Variants in ODAD2 observed in about 807,000 individuals in gnomAD.
ODAD2 encodes the protein outer dynein arm docking complex subunit 2.
In ODAD2, 89 loss-of-function variants were observed where a neutral mutation model predicts 106.8. The ratio of observed to expected loss-of-function variants is 0.83; its 90% CI spans 0.70 to 0.99. The LOEUF is 0.99. Among genes scored for constraint, ODAD2 ranks in the 50% least tolerant of loss-of-function variants. The pLI, the probability that ODAD2 is intolerant of heterozygous loss-of-function variation, is 0.00. For missense variants in ODAD2, 1,168 were observed against 1,238.5 expected, an observed-to-expected ratio of 0.94 and a Z score of 0.85; for synonymous variants, 404 against 436.2, an observed-to-expected ratio of 0.93 and a Z score of 0.92.
Position 27,936,666 on chromosome 10 carries a change from GA to G in ODAD2, c.2252+59del, listed in dbSNP as rs1590069875. 9 of 1,574,316 alleles carry G rather than the reference GA, an allele frequency of 5.7e-6. No homozygotes were observed. In the East Asian group the frequency reaches 2.0e-4, roughly 35 times the overall value. ...ACTCCTTACTAGAATGGCATTAAATGACAAGAAGGTGTTTCAGAAGCCGTAT... is the reference window on the plus strand; with the variant it reads ...ACTCCTTACTAGAATGGCATTAAATGCAAGAAGGTGTTTCAGAAGCCGTAT... On this transcript the variant is annotated intron_variant, in intron 15 of 19. Transcript: ENST00000305242.
chr10:27,890,008 T>C lies in ODAD2; in HGVS notation c.2610+17655A>G, dbSNP rs1278419255. Among the ~76,000 whole-genome samples, 5 of 152,168 alleles carry C rather than the reference T, an allele frequency of 3.3e-5. No homozygotes were observed. The East Asian group carries it at 9.6e-4, about 29-fold the overall frequency. Reference sequence around the variant, plus strand: ...GAAATGCAGTGAGTGCTATGCAATATATCCATGGAACAAAACTGCACTTGT... The same window carrying C: ...GAAATGCAGTGAGTGCTATGCAATACATCCATGGAACAAAACTGCACTTGT... On this transcript the variant is annotated intron_variant, in intron 17 of 19. Transcript: ENST00000305242.
chr10:27,967,640 C>A (rs1186274595), intron 9 of ODAD2, among the ~76,000 whole-genome samples: 3 of 151,994 alleles, frequency 2.0e-5, no homozygotes, highest in South Asian at 2.1e-4. Flanking sequence ...TCTGTAATCC[C>A]AGCACTTTGG....
intron 8 of ODAD2, 35 bp downstream of exon 8, chr10:27,971,073 G>A (rs1848825893): frequency 1.4e-6 from 2 of 1,417,630 alleles, no homozygotes; most frequent in Non-Finnish European, 2.0e-6. Flanking sequence ...GGTTACTAAT[G>A]CTGCATCTGA....
intron 1 of ODAD2, chr10:27,995,664 A>T (rs1476544942): frequency 6.5e-6 from 1 of 153,506 alleles, no homozygotes; most frequent in Admixed American, 6.4e-5. Flanking sequence ...CAATATCTGC[A>T]TCATCACAAT....
intron 19 of ODAD2, among the ~76,000 whole-genome samples, chr10:27,843,971 C>T (rs1201188717): frequency 6.6e-6 from 1 of 152,066 alleles, no homozygotes; most frequent in Non-Finnish European, 1.5e-5. Flanking sequence ...AAGCTGAGGT[C>T]GGAGGATTGC....
At position 27,841,890 on chromosome 10, in the gene ODAD2, G is replaced by A. The variant is rs538225441; in HGVS notation, c.3021+18735C>T. On this transcript the variant is annotated intron_variant, in intron 19 of 19. Coordinates refer to ENST00000305242, the MANE Select transcript of ODAD2 (RefSeq NM_018076.5). ...CCACCTGAGCCTCCTGAGTAGCTGGGACTACAGGTATGCACCACCATGCCT... is the reference window on the plus strand; with the variant it reads ...CCACCTGAGCCTCCTGAGTAGCTGGAACTACAGGTATGCACCACCATGCCT... Among the ~76,000 whole-genome samples the A allele has an allele frequency of 4.6e-5, 7 of 152,252 alleles. No individual in the cohort carries two copies. The South Asian group carries it at 1.5e-3, about 32-fold the overall frequency.
rs565527542 is a variant in ODAD2 at position 27,874,451 on chromosome 10, G to A, written c.2611-11829C>T. On this transcript the variant is annotated intron_variant, in intron 17 of 19. Transcript: ENST00000305242. ...GTTGATGCAGTTTCTTCCTAGCATC[G>A]ATGGTCTTTACATTTTGGCATGTTT... Among the ~76,000 whole-genome samples, 34 of 152,254 alleles carry A rather than the reference G, an allele frequency of 2.2e-4. 1 individual carries two copies. In the South Asian group the frequency reaches 7.1e-3, roughly 32 times the overall value.
intron 19 of ODAD2, among the ~76,000 whole-genome samples, chr10:27,817,282 G>A (rs1342394332): frequency 6.6e-6 from 1 of 152,006 alleles, no homozygotes; most frequent in Non-Finnish European, 1.5e-5. Flanking sequence ...CATGATCTAT[G>A]GTTCAGAATT....
intron 19 of ODAD2, among the ~76,000 whole-genome samples, chr10:27,818,420 A>G (rs1285790031): frequency 6.6e-6 from 1 of 152,116 alleles, no homozygotes; most frequent in Non-Finnish European, 1.5e-5. Flanking sequence ...CCATTGTTAT[A>G]CAAAATATAG....
At chr10:27,924,028 AAG>A (rs770545877) in intron 16 of ODAD2, among the ~76,000 whole-genome samples, 10 of 108,408 alleles carry the variant, frequency 9.2e-5, no homozygotes, top group South Asian at 3.4e-4. Context: ...GAAAGAAGGA[AAG>A]AGAAAGAAAG....
chr10:27,957,017 G>A (rs953376602), intron 10 of ODAD2: 2 of 152,116 alleles, frequency 1.3e-5, no homozygotes, highest in African/African-American at 4.8e-5. Flanking sequence ...TGAAGTTTTA[G>A]AGAGACTCAT....
At chr10:27,880,057 G>A (rs1796816262) in intron 17 of ODAD2, among the ~76,000 whole-genome samples, 1 of 152,158 alleles carries the variant, frequency 6.6e-6, no homozygotes, top group Non-Finnish European at 1.5e-5. Context: ...TTCTGCTGGT[G>A]TGGCAAACTC....
At chr10:27,819,149 C>G (rs1487077767) in intron 19 of ODAD2, among the ~76,000 whole-genome samples, 1 of 152,104 alleles carries the variant, frequency 6.6e-6, no homozygotes, top group Non-Finnish European at 1.5e-5. Context: ...ATTCCCCCAG[C>G]CTTCTGCAAA....
intron 16 of ODAD2, among the ~76,000 whole-genome samples, chr10:27,908,614 A>T (rs1396268802): frequency 6.6e-6 from 1 of 152,220 alleles, no homozygotes; most frequent in Non-Finnish European, 1.5e-5. Flanking sequence ...AATTCCTTTG[A>T]TTTTTAATCT....
chr10:27,958,833 C>G (rs1463916283), intron 10 of ODAD2: 1 of 1,299,382 alleles, frequency 7.7e-7, no homozygotes, highest in Non-Finnish European at 1.0e-6. Flanking sequence ...GGTTAGTCAA[C>G]TCACCCAAGG....
At chr10:27,883,468 T>A (rs1445786705) in intron 17 of ODAD2, among the ~76,000 whole-genome samples, 1 of 152,150 alleles carries the variant, frequency 6.6e-6, no homozygotes, top group African/African-American at 2.4e-5. Flanking sequence ...TTTAAAATAT[T>A]GCTTTTAACA....
intron 15 of ODAD2, 148 bp downstream of exon 15, chr10:27,936,578 T>C: frequency 3.2e-6 from 3 of 939,784 alleles, no homozygotes; most frequent in Non-Finnish European, 4.9e-6. Context: ...TTTTCTATTC[T>C]AAGAATCCCT....
intron 18 of ODAD2, 49 bp downstream of exon 18, chr10:27,862,385 T>C: frequency 6.9e-7 from 1 of 1,451,988 alleles, no homozygotes; most frequent in Non-Finnish European, 9.4e-7. Context: ...CACTACACCA[T>C]GATATCTCAG....
intron 14 of ODAD2, among the ~76,000 whole-genome samples, chr10:27,938,586 A>G (rs1846159261): frequency 6.6e-6 from 1 of 150,674 alleles, no homozygotes. Flanking sequence ...ACTCCCTTGT[A>G]TCTGTCTCTT....
Sources: allele counts gnomAD v4.1 joint callset (sites outside exome capture counted in the v4.1 genomes callset), GRCh38; gene constraint gnomAD v4.1.1; transcripts MANE v1.5; gene names NCBI Gene and HGNC (gene_info 2026-07-23, HGNC 2026-07-21).